The following KHDRBS3 variants were observed in gnomAD, a reference collection of about 807,000 sequenced individuals.
KHDRBS3 encodes KH domain-containing, RNA-binding, signal transduction-associated protein 3.
In KHDRBS3, 23 loss-of-function variants were observed where a neutral mutation model predicts 45.6. That is an observed-to-expected ratio of 0.50 (90% CI 0.36 to 0.72). The LOEUF (loss-of-function observed/expected upper bound fraction) is 0.72, where lower values mean the gene tolerates loss of function less well. KHDRBS3 is among the 30% of genes least tolerant of loss of function. The pLI is 0.00. For missense variants in KHDRBS3, 352 were observed against 424.8 expected (o/e 0.83, Z 1.51); for synonymous variants, 162 against 156.5 (o/e 1.04, Z -0.26).
intron 3 of KHDRBS3, among the ~76,000 whole-genome samples, chr8:135,544,768 A>C (rs1013963787): frequency 1.3e-5 from 2 of 152,042 alleles, no homozygotes; most frequent in Non-Finnish European, 2.9e-5. Flanking sequence ...TTTCATTTCT[A>C]TGTCTTTGGA....
chr8:135,580,931 G>C (rs1043595584), intron 5 of KHDRBS3, among the ~76,000 whole-genome samples: 1 of 152,116 alleles, frequency 6.6e-6, no homozygotes, highest in African/African-American at 2.4e-5. Flanking sequence ...CTTCATTTCT[G>C]ATATTGGTGT....
chr8:135,540,301 CA>C (rs746768732), intron 2 of KHDRBS3: 3 of 152,158 alleles, frequency 2.0e-5, no homozygotes, highest in Non-Finnish European at 2.9e-5. Context: ...GGGAAGAATT[CA>C]ACCAGAAACA....
At chr8:135,500,183 C>G (rs1331056409) in intron 1 of KHDRBS3, among the ~76,000 whole-genome samples, 1 of 151,996 alleles carries the variant, frequency 6.6e-6, no homozygotes, top group Non-Finnish European at 1.5e-5. Flanking sequence ...GAAAGTTTAG[C>G]TCAGAGGTCA....
intron 7 of KHDRBS3, among the ~76,000 whole-genome samples, chr8:135,641,724 C>T (rs1416456261): frequency 2.0e-5 from 3 of 152,174 alleles, no homozygotes; most frequent in Non-Finnish European, 4.4e-5. Context: ...GGTGGCACTG[C>T]AGGTAAAGGC....
intron 7 of KHDRBS3, among the ~76,000 whole-genome samples, chr8:135,639,510 A>T (rs1046191338): frequency 3.9e-5 from 6 of 152,200 alleles, no homozygotes; most frequent in African/African-American, 1.4e-4. Context: ...GATGGTCTGG[A>T]AGAGGCAGAG....
In KHDRBS3 at chr8:135,492,445, A is replaced by G. The variant is rs185084425; in HGVS notation, c.89-28792A>G. On this transcript the variant is annotated intron_variant, in intron 1 of 8. Coordinates refer to ENST00000355849, the MANE Select transcript of KHDRBS3 (RefSeq NM_006558.3). ...TGGGAAGCAAAAAAGGAATATTGAG[A>G]TATATGTTCTACTTCCAAATTAATC... 1.3e-4 allele frequency among the ~76,000 whole-genome samples: 19 copies of G among 151,848 alleles called. No homozygotes were observed. In the East Asian group the frequency reaches 3.7e-3, roughly 29 times the overall value.
At chr8:135,574,658 T>C (rs1827869844) in intron 5 of KHDRBS3, among the ~76,000 whole-genome samples, 1 of 152,222 alleles carries the variant, frequency 6.6e-6, no homozygotes, top group Non-Finnish European at 1.5e-5. Context: ...TTAGTTTAAA[T>C]ATACACTAAC....
At chr8:135,485,628 G>C (rs1442996859) in intron 1 of KHDRBS3, among the ~76,000 whole-genome samples, 2 of 151,776 alleles carry the variant, frequency 1.3e-5, no homozygotes, top group Non-Finnish European at 2.9e-5. Flanking sequence ...TTATTTTTCT[G>C]TGTGAAGTTA....
At chr8:135,641,141 T>C (rs565802621) in intron 7 of KHDRBS3, among the ~76,000 whole-genome samples, 82 of 152,344 alleles carry the variant, frequency 5.4e-4, no homozygotes, top group African/African-American at 1.9e-3. Context: ...CTACCTTTTA[T>C]CTTCTTGTGC....
chr8:135,500,576 C>T (rs957105258), intron 1 of KHDRBS3, among the ~76,000 whole-genome samples: 2 of 152,134 alleles, frequency 1.3e-5, no homozygotes, highest in African/African-American at 4.8e-5. Context: ...TGGGAAGAGG[C>T]AGGGAGCTCT....
chr8:135,471,983 G>A (rs374245795), intron 1 of KHDRBS3, among the ~76,000 whole-genome samples: 12 of 152,192 alleles, frequency 7.9e-5, no homozygotes, highest in East Asian at 1.9e-4. Flanking sequence ...AGTGCTCAGC[G>A]TGGTGCCTGG....
chr8:135,571,063 A>G (rs1040060244), intron 5 of KHDRBS3, among the ~76,000 whole-genome samples: 4 of 152,222 alleles, frequency 2.6e-5, no homozygotes, highest in African/African-American at 9.6e-5. Context: ...AATGCTAGCC[A>G]GGGATGAACA....
Position 135,542,724 on chromosome 8 carries a change from C to G in KHDRBS3, c.278C>G (p.Thr93Arg). The G allele has an allele frequency of 6.2e-7, 1 of 1,613,600 alleles. No individual in the cohort carries two copies. Among genetic ancestry groups the G allele is most frequent in the Non-Finnish European group, 8.5e-7 (1 of 1,179,642 alleles). Residue 93 changes from threonine (T) to arginine (R), a missense_variant, in exon 3 of 9, where the codon ACA becomes AGA. Physicochemically the swap from Thr to Arg is moderately conservative, Grantham distance 71. This residue lies in a region of KHDRBS3 where 15 missense variants were observed against 30.2 expected (regional missense o/e 0.50). Coordinates refer to ENST00000355849, the MANE Select transcript of KHDRBS3 (RefSeq NM_006558.3). ...SLKRLQEETL[T>R]KMSILGKGSM... ...AAGCGTTTACAAGAAGAAACCTTGA[C>G]AAAAATGTCCATCCTTGGGAAAGGT...
chr8:135,472,006 A>C (rs1822042033), intron 1 of KHDRBS3, among the ~76,000 whole-genome samples: 2 of 152,138 alleles, frequency 1.3e-5, no homozygotes, highest in Non-Finnish European at 1.5e-5. Flanking sequence ...GATAGTGGGC[A>C]CTCAGTGTGT....
At chr8:135,490,765 C>T (rs1823107870) in intron 1 of KHDRBS3, among the ~76,000 whole-genome samples, 1 of 152,094 alleles carries the variant, frequency 6.6e-6, no homozygotes, top group South Asian at 2.1e-4. Context: ...AGGGATAAGA[C>T]AAAGCTTAGA....
intron 1 of KHDRBS3, among the ~76,000 whole-genome samples, chr8:135,493,071 ATGT>A (rs1292364689): frequency 1.3e-5 from 2 of 150,564 alleles, no homozygotes; most frequent in African/African-American, 4.9e-5. Context: ...ATATTTTTTG[ATGT>A]TACTGGAATT....
At chr8:135,602,146 C>T (rs962050005) in intron 6 of KHDRBS3, among the ~76,000 whole-genome samples, 1 of 152,170 alleles carries the variant, frequency 6.6e-6, no homozygotes, top group Non-Finnish European at 1.5e-5. Context: ...CATCCCCTAC[C>T]TTGTGATAAA....
At chr8:135,588,208 G>A (rs1189925494) in intron 6 of KHDRBS3, among the ~76,000 whole-genome samples, 1 of 152,136 alleles carries the variant, frequency 6.6e-6, no homozygotes, top group Non-Finnish European at 1.5e-5. Flanking sequence ...TCTTATGTTT[G>A]ATAATTTGTT....
intron 6 of KHDRBS3, among the ~76,000 whole-genome samples, chr8:135,582,714 A>G (rs1225365946): frequency 6.6e-5 from 10 of 152,254 alleles, no homozygotes. Context: ...GGTGATTCAT[A>G]TTAATAATTG....
Sources: gnomAD v4.1 joint callset for allele counts (sites outside exome capture counted in the v4.1 genomes callset) on GRCh38, gnomAD v4.1.1 for gene constraint, gnomAD v4.1.1 regional missense constraint, MANE v1.5 for transcripts, NCBI Gene and HGNC (gene_info 2026-07-23, HGNC 2026-07-21) for gene names.